The following CUX2 variants were observed in gnomAD, a reference collection of about 807,000 sequenced individuals.
CUX2 encodes cut like homeobox 2.
CUX2 carries 40 observed loss-of-function variants against 144.8 expected under a neutral mutation model. The ratio of observed to expected loss-of-function variants is 0.28; its 90% confidence interval spans 0.21 to 0.36. The LOEUF (loss-of-function observed/expected upper bound fraction) is 0.36, where lower values mean the gene tolerates loss of function less well. CUX2 is among the 10% of genes least tolerant of loss of function. The probability of loss-of-function intolerance (pLI) is 1.00; values close to 1 mark genes in which losing one functional copy is unlikely to be tolerated. For synonymous variants in CUX2, 827 were observed against 875.6 expected, an observed-to-expected ratio of 0.94 and a Z score of 0.98; for missense variants, 1,615 against 1,994.0, an observed-to-expected ratio of 0.81 and a Z score of 3.62.
rs1039999915 is a variant in CUX2, at chr12:111,186,652, G to A, written c.64-27548G>A. On this transcript the variant is annotated intron_variant, in intron 1 of 21. Transcript: ENST00000261726. This position sits in a 1 kb window ranked among gnomAD's most constrained non-coding sequence, Gnocchi z 4.4. ...CCTTCAGCGCCGCCATCTGCCAGCTGTGTGACCTTGTATGACCTTGCCACT... is the reference window on the plus strand; with the variant it reads ...CCTTCAGCGCCGCCATCTGCCAGCTATGTGACCTTGTATGACCTTGCCACT... 3.9e-5 allele frequency among the ~76,000 whole-genome samples: 6 copies of A among 152,218 alleles called. No homozygotes were observed. The highest frequency in any genetic ancestry group is 1.4e-4 in the African/African-American group (6 of 41,454).
At chr12:111,149,229 A>G (rs1206810268) in intron 1 of CUX2, among the ~76,000 whole-genome samples, 1 of 152,170 alleles carries the variant, frequency 6.6e-6, no homozygotes, top group Non-Finnish European at 1.5e-5. Flanking sequence ...GTGGCCCAAC[A>G]CAAGCTCGTA....
At chr12:111,115,373 C>T (rs1340098867) in intron 1 of CUX2, among the ~76,000 whole-genome samples, 4 of 149,704 alleles carry the variant, frequency 2.7e-5, no homozygotes, top group Admixed American at 2.0e-4. Context: ...GCAAGCTCCA[C>T]CTCCCAGGTT....
chr12:111,312,024 C>A lies in CUX2; in HGVS notation c.1901-76C>A. On this transcript the variant is annotated intron_variant, in intron 15 of 21. Coordinates refer to ENST00000261726, the MANE Select transcript of CUX2 (RefSeq NM_015267.4). This position sits in a 1 kb window ranked among gnomAD's most constrained non-coding sequence, Gnocchi z 4.3. ...TCACTCTTCTGGGAGGAGGAGACAGCCCCCCTACCCCACCAGGCTCCGGAG... is the reference window on the plus strand; with the variant it reads ...TCACTCTTCTGGGAGGAGGAGACAGACCCCCTACCCCACCAGGCTCCGGAG... 1 of 1,295,110 alleles carries A rather than the reference C, an allele frequency of 7.7e-7. No homozygotes were observed. 80.2% of individuals were successfully genotyped at this position (1,295,110 alleles called of 1,614,324 possible).
chr12:111,043,579 G>A (rs561481990), intron 1 of CUX2, among the ~76,000 whole-genome samples: 2 of 151,974 alleles, frequency 1.3e-5, no homozygotes, highest in African/African-American at 4.8e-5. Flanking sequence ...TTGGGAGGAT[G>A]AGGCGGGCAG....
At chr12:111,108,180 C>T (rs1018130859) in intron 1 of CUX2, among the ~76,000 whole-genome samples, 3 of 152,118 alleles carry the variant, frequency 2.0e-5, no homozygotes, top group South Asian at 2.1e-4. Context: ...ACTTATGATT[C>T]GATTCAGGTT....
At chr12:111,218,863 C>G (rs2136230248) in intron 3 of CUX2, among the ~76,000 whole-genome samples, 1 of 152,212 alleles carries the variant, frequency 6.6e-6, no homozygotes, top group East Asian at 1.9e-4. Flanking sequence ...AACCCCCGCC[C>G]CACCCCGCCC....
chr12:111,268,858 A>G (rs996379764), intron 4 of CUX2, among the ~76,000 whole-genome samples: 1 of 152,184 alleles, frequency 6.6e-6, no homozygotes, highest in Non-Finnish European at 1.5e-5. Context: ...ACACTGGAGG[A>G]TGACCCTGTA....
intron 1 of CUX2, among the ~76,000 whole-genome samples, chr12:111,128,374 G>A (rs939204818): frequency 2.6e-5 from 4 of 152,158 alleles, no homozygotes; most frequent in African/African-American, 9.7e-5. Context: ...CCAGGTCCGG[G>A]TCAATTCTGT....
chr12:111,249,861 G>T (rs958380505), intron 3 of CUX2, among the ~76,000 whole-genome samples: 1 of 152,026 alleles, frequency 6.6e-6, no homozygotes, highest in East Asian at 1.9e-4. Context: ...CCAATTCCCC[G>T]ATGACTAACA....
At chr12:111,313,995 G>T (rs1296806527) in intron 16 of CUX2, among the ~76,000 whole-genome samples, 1 of 152,070 alleles carries the variant, frequency 6.6e-6, no homozygotes. Context: ...TCCAGTTGCC[G>T]CCAGGAGCCG....
intron 1 of CUX2, among the ~76,000 whole-genome samples, chr12:111,206,947 A>G (rs7973619): frequency 0.049 from 7,437 of 152,256 alleles, 612 homozygotes; most frequent in African/African-American, 0.17. Flanking sequence ...GTATGATTGG[A>G]TGAATGCATA....
chr12:111,325,167 G>A (rs1008091622), intron 18 of CUX2, among the ~76,000 whole-genome samples: 11 of 151,770 alleles, frequency 7.2e-5, no homozygotes, highest in Non-Finnish European at 1.3e-4. Flanking sequence ...GGTGGCAGGC[G>A]CCTGTAGTCC....
intron 2 of CUX2, among the ~76,000 whole-genome samples, chr12:111,217,269 A>G (rs1327389449): frequency 6.6e-6 from 1 of 152,194 alleles, no homozygotes; most frequent in African/African-American, 2.4e-5. Context: ...CAGAGCTCGA[A>G]TGGGGTATAA....
Position 111,308,167 on chromosome 12 carries a change from G to T in CUX2, c.1110-118G>T. 3.6e-6 allele frequency: 4 copies of T among 1,114,864 alleles called. 1 individual carries two copies. Among genetic ancestry groups the T allele is most frequent in the Non-Finnish European group, 5.3e-6 (4 of 750,252 alleles). The allele number at this position is 1,114,864 out of a possible 1,614,324, so 69.1% of individuals were successfully genotyped here. On this transcript the variant is annotated intron_variant, in intron 12 of 21. Transcript: ENST00000261726. The stretch of plus-strand genomic sequence containing the variant: ...TTGCAATGACTCTGGAATTAATGGG[G>T]TTCTGGGGAATGGAGCAGTCATTGT...
intron 1 of CUX2, among the ~76,000 whole-genome samples, chr12:111,166,912 C>G (rs1399912082): frequency 6.6e-6 from 1 of 152,224 alleles, no homozygotes; most frequent in Non-Finnish European, 1.5e-5. Context: ...CCACTTGCCC[C>G]TTGGCAGCAG....
chr12:111,214,425 A>G, intron 2 of CUX2, 115 bp downstream of exon 2: 1 of 621,784 alleles, frequency 1.6e-6, no homozygotes, highest in Non-Finnish European at 2.7e-6. Flanking sequence ...GAAGCTAATT[A>G]GCCACAAAGA....
At chr12:111,264,628 G>A (rs919599688) in intron 4 of CUX2, among the ~76,000 whole-genome samples, 29 of 152,018 alleles carry the variant, frequency 1.9e-4, no homozygotes, top group African/African-American at 6.8e-4. Context: ...ACCTGTAATC[G>A]CAGCTGCTCG....
rs145203904 is a variant in CUX2, at chr12:111,201,042, G to C, written c.64-13158G>C. Among the ~76,000 whole-genome samples the C allele has an allele frequency of 3.9e-3, 598 of 152,296 alleles. 2 individuals carry two copies. The highest frequency in any genetic ancestry group is 5.2e-3 in the South Asian group (25 of 4,830). ...TCAACAGCAGGCAGGGGACAAGCCT[G>C]TGTAGCCCCTGGGCTAAAATGGCTT... On this transcript the variant is annotated intron_variant, in intron 1 of 21. Transcript: ENST00000261726.
At chr12:111,214,557 T>A (rs965582281) in intron 2 of CUX2, among the ~76,000 whole-genome samples, 2 of 152,170 alleles carry the variant, frequency 1.3e-5, no homozygotes, top group Non-Finnish European at 2.9e-5. Context: ...CTGTGAAACA[T>A]CCATTTTCCC....
Sources: gnomAD v4.1 joint callset for allele counts (sites outside exome capture counted in the v4.1 genomes callset) on GRCh38, gnomAD v4.1.1 for gene constraint, Gnocchi (gnomAD v3.1) non-coding constraint, MANE v1.5 for transcripts, NCBI Gene and HGNC (gene_info 2026-07-23, HGNC 2026-07-21) for gene names.